PIRT: variants seen among roughly 807,000 people sequenced by gnomAD.
PIRT encodes the protein phosphoinositide-interacting protein.
In PIRT, 6 loss-of-function variants were observed where a neutral mutation model predicts 7.9. The observed-to-expected ratio is 0.76, with a 90% CI of 0.42 to 1.51. The LOEUF is 1.51. Among genes scored for constraint, PIRT ranks in the 40% most tolerant of loss-of-function variants. The pLI, the probability that PIRT is intolerant of heterozygous loss-of-function variation, is 0.01. For missense variants in PIRT, 170 were observed against 172.9 expected (o/e 0.98, Z 0.09); for synonymous variants, 78 against 71.8 (o/e 1.09, Z -0.44).
At chr17:10,826,982 T>C (rs1441332950) in intron 1 of PIRT, among the ~76,000 whole-genome samples, 2 of 151,982 alleles carry the variant, frequency 1.3e-5, no homozygotes, top group African/African-American at 4.8e-5. Flanking sequence ...CCAGTTAATT[T>C]TGTATTTTTA....
At chr17:10,831,727 C>A (rs1285184407) in intron 1 of PIRT, among the ~76,000 whole-genome samples, 2 of 152,230 alleles carry the variant, frequency 1.3e-5, no homozygotes, top group East Asian at 3.9e-4. Flanking sequence ...AATAAGTATA[C>A]TCAGTTTCCT....
chr17:10,832,677 T>G (rs1223737884), intron 1 of PIRT, among the ~76,000 whole-genome samples: 1 of 152,238 alleles, frequency 6.6e-6, no homozygotes, highest in East Asian at 1.9e-4. Context: ...AACAAGCCAA[T>G]TGTACAAAGG....
chr17:10,837,092 A>G (rs1905609486), intron 1 of PIRT, among the ~76,000 whole-genome samples: 1 of 152,178 alleles, frequency 6.6e-6, no homozygotes, highest in Non-Finnish European at 1.5e-5. Context: ...CACCATGGCC[A>G]TGGCCACCCA....
chr17:10,836,927 T>G (rs1396133335), intron 1 of PIRT, among the ~76,000 whole-genome samples: 1 of 152,172 alleles, frequency 6.6e-6, no homozygotes, highest in Non-Finnish European at 1.5e-5. Flanking sequence ...AGCTTGCCAG[T>G]GGTCATCCCC....
At chr17:10,830,283 T>C (rs1197732523) in intron 1 of PIRT, among the ~76,000 whole-genome samples, 2 of 152,204 alleles carry the variant, frequency 1.3e-5, no homozygotes, top group African/African-American at 2.4e-5. Flanking sequence ...TGGAACTCTG[T>C]ACTGGGAAGA....
At chr17:10,829,717 C>A (rs1905416645) in intron 1 of PIRT, among the ~76,000 whole-genome samples, 1 of 152,180 alleles carries the variant, frequency 6.6e-6, no homozygotes, top group Non-Finnish European at 1.5e-5. Flanking sequence ...GACTTAGATT[C>A]ATAATCCCCT....
intron 1 of PIRT, among the ~76,000 whole-genome samples, chr17:10,836,133 C>A (rs35647878): frequency 0.13 from 19,981 of 152,182 alleles, 1,683 homozygotes; most frequent in Non-Finnish European, 0.19. Flanking sequence ...GAACTCCTGA[C>A]CTCAGGTGAT....
At chr17:10,826,751 G>T (rs1421973780) in intron 1 of PIRT, among the ~76,000 whole-genome samples, 3 of 152,162 alleles carry the variant, frequency 2.0e-5, no homozygotes, top group African/African-American at 7.2e-5. Flanking sequence ...ACCGTTTCGT[G>T]CAGCCTGGGC....
intron 1 of PIRT, among the ~76,000 whole-genome samples, chr17:10,827,465 C>CTTTTCTT (rs1905353956): frequency 3.6e-5 from 2 of 56,288 alleles, no homozygotes; most frequent in African/African-American, 1.5e-4. Flanking sequence ...TTTTTCTTTT[C>CTTTTCTT]TTTTTTTTTT....
chr17:10,827,472 T>TTTCTTTTTC (rs1905358041), intron 1 of PIRT, among the ~76,000 whole-genome samples: 1 of 116,216 alleles, frequency 8.6e-6, no homozygotes, highest in African/African-American at 4.2e-5. Context: ...TTTCTTTTTT[T>TTTCTTTTTC]TTTTTTTTTT....
chr17:10,831,373 C>T (rs2165875), intron 1 of PIRT, among the ~76,000 whole-genome samples: 75,546 of 151,958 alleles, frequency 0.5, 20,191 homozygotes, highest in African/African-American at 0.71. Context: ...CAGATACAAT[C>T]AAGATAAGGA....
chr17:10,835,299 C>T (rs1905561608), intron 1 of PIRT, among the ~76,000 whole-genome samples: 1 of 152,192 alleles, frequency 6.6e-6, no homozygotes, highest in Admixed American at 6.5e-5. Context: ...GTGGTGGGAG[C>T]CACGCTAAAT....
In PIRT at chr17:10,829,465, G is replaced by A. The variant is rs1186340613; in HGVS notation, c.-138-3682C>T. On this transcript the variant is annotated intron_variant, in intron 1 of 1. Transcript: ENST00000580256. ...TAACTAAGACCTTCTTTCTGGCTCT[G>A]CAACGCGGTCGCTAGTTCAGTCTCA... is the stretch of plus-strand genomic sequence containing the variant. Among the ~76,000 whole-genome samples the A allele has an allele frequency of 2.6e-5, 4 of 152,208 alleles. No homozygotes were observed. In the East Asian group the frequency reaches 7.7e-4, roughly 29 times the overall value.
In PIRT at chr17:10,837,113, G is replaced by T. The variant is rs1273615923; in HGVS notation, c.-139+832C>A. Among the ~76,000 whole-genome samples the T allele has an allele frequency of 2.0e-5, 3 of 152,176 alleles. No individual in the cohort carries two copies. In the East Asian group the frequency reaches 5.8e-4, roughly 29 times the overall value. On this transcript the variant is annotated intron_variant, in intron 1 of 1. Transcript: ENST00000580256. ...GGCCATGGCCACCCATCTGTCACCT[G>T]CTCATAGCGCTTCTAGGAAGGGAAG...
Position 10,828,457 on chromosome 17 carries a change from C to T in PIRT, c.-138-2674G>A, listed in dbSNP as rs1019462753. ...TCCTGTTGGGCTACTCAACGCCCCA[C>T]TCATGTCAGCATTTACAAATATCTC... On this transcript the variant is annotated intron_variant, in intron 1 of 1. Transcript: ENST00000580256. Among the ~76,000 whole-genome samples the T allele has an allele frequency of 2.6e-5, 4 of 152,182 alleles. No homozygotes were observed. The East Asian group carries it at 7.7e-4, about 29-fold the overall frequency.
At chr17:10,830,482 G>A (rs1905439144) in intron 1 of PIRT, among the ~76,000 whole-genome samples, 2 of 152,170 alleles carry the variant, frequency 1.3e-5, no homozygotes, top group Admixed American at 1.3e-4. Flanking sequence ...ATAAAACAGG[G>A]ATAATGGAGT....
intron 1 of PIRT, among the ~76,000 whole-genome samples, chr17:10,835,234 G>A (rs1905560161): frequency 6.6e-6 from 1 of 152,228 alleles, no homozygotes; most frequent in Admixed American, 6.5e-5. Context: ...CGGCTGGGGA[G>A]GGCAGGTGCT....
intron 1 of PIRT, among the ~76,000 whole-genome samples, chr17:10,836,467 T>C (rs531281982): frequency 1.3e-5 from 2 of 152,348 alleles, no homozygotes; most frequent in Admixed American, 1.3e-4. Flanking sequence ...ATAGTTTTTT[T>C]CATGTAAGAA....
At chr17:10,835,222 T>C (rs1326045897) in intron 1 of PIRT, among the ~76,000 whole-genome samples, 1 of 152,224 alleles carries the variant, frequency 6.6e-6, no homozygotes, top group African/African-American at 2.4e-5. Flanking sequence ...AAAGAAGCCA[T>C]GCGGCTGGGG....
Sources: allele counts gnomAD v4.1 joint callset (sites outside exome capture counted in the v4.1 genomes callset), GRCh38; gene constraint gnomAD v4.1.1; transcripts MANE v1.5; gene names NCBI Gene and HGNC (gene_info 2026-07-23, HGNC 2026-07-21).